Variants in IQCM observed in about 807,000 individuals in gnomAD.
The protein encoded by IQCM is IQ domain-containing protein M.
In IQCM, 45 loss-of-function variants were observed where a neutral mutation model predicts 57.6. That is an observed-to-expected ratio of 0.78 (90% CI 0.62 to 1.00). The LOEUF is 1.00. Among genes scored for constraint, IQCM ranks in the 50% least tolerant of loss-of-function variants. The pLI is 0.00. For synonymous variants in IQCM, 148 were observed against 158.9 expected (o/e 0.93, Z 0.51); for missense variants, 468 against 511.6 (o/e 0.91, Z 0.82).
chr4:149,737,618 G>A (rs1767063222), intron 3 of IQCM: 1 of 152,270 alleles, frequency 6.6e-6, no homozygotes, highest in East Asian at 1.9e-4. Flanking sequence ...GTTACCTTAG[G>A]GTAATGAGGT....
intron 12 of IQCM, among the ~76,000 whole-genome samples, chr4:149,477,307 C>T (rs778702363): frequency 3.4e-4 from 52 of 152,108 alleles, no homozygotes; most frequent in Non-Finnish European, 5.3e-4. Context: ...TGAGGACTGA[C>T]GCTCAGGCCT....
intron 5 of IQCM, among the ~76,000 whole-genome samples, chr4:149,721,367 T>A (rs1294677617): frequency 6.6e-6 from 1 of 152,104 alleles, no homozygotes; most frequent in African/African-American, 2.4e-5. Context: ...TGGTGAAGTC[T>A]TGAATTTTAG....
chr4:149,515,071 C>CGTGT (rs58534209), intron 12 of IQCM, among the ~76,000 whole-genome samples: 12,674 of 142,752 alleles, frequency 0.089, 569 homozygotes, highest in Middle Eastern at 0.13. Context: ...TATATATACA[C>CGTGT]GTGTGTGTGT....
At chr4:149,603,665 A>T (rs530272118) in intron 8 of IQCM, among the ~76,000 whole-genome samples, 5 of 152,190 alleles carry the variant, frequency 3.3e-5, no homozygotes, top group African/African-American at 1.2e-4. Context: ...GAAATCAACA[A>T]GAAAACTCCC....
In IQCM at chr4:149,707,482, C is replaced by G. The variant is rs1002520484; in HGVS notation, c.386-21014G>C. Among the ~76,000 whole-genome samples, 4 of 151,998 alleles carry G rather than the reference C, an allele frequency of 2.6e-5. No individual in the cohort carries two copies. The South Asian group carries it at 8.3e-4, about 31-fold the overall frequency. On this transcript the variant is annotated intron_variant, in intron 5 of 13. Transcript: ENST00000636793. ...TGCCACGAATGTGAGGCTCTGGACA[C>G]TCTTTGCTCTCTATCCAGGCATTTT...
chr4:149,759,661 A>G (rs927048777), intron 2 of IQCM, among the ~76,000 whole-genome samples: 2 of 152,088 alleles, frequency 1.3e-5, no homozygotes, highest in Admixed American at 1.3e-4. Flanking sequence ...ATTAAATATC[A>G]TTTTTTTAAA....
At chr4:149,447,366 A>T (rs1250313469) in intron 12 of IQCM, among the ~76,000 whole-genome samples, 1 of 151,640 alleles carries the variant, frequency 6.6e-6, no homozygotes, top group Non-Finnish European at 1.5e-5. Flanking sequence ...TCTTCAATTG[A>T]CACAGATGAT....
At chr4:149,582,122 G>T (rs1397681344) in intron 9 of IQCM, among the ~76,000 whole-genome samples, 1 of 150,500 alleles carries the variant, frequency 6.6e-6, no homozygotes, top group African/African-American at 2.4e-5. Context: ...ATAGAAGGAG[G>T]TATTAAAGCC....
chr4:149,694,802 T>C (rs1763219814), intron 5 of IQCM, among the ~76,000 whole-genome samples: 1 of 152,182 alleles, frequency 6.6e-6, no homozygotes, highest in Admixed American at 6.5e-5. Flanking sequence ...TAAGGTCTCT[T>C]CTACACAAAA....
chr4:149,581,353 G>T (rs1213999041), intron 9 of IQCM, among the ~76,000 whole-genome samples: 1 of 151,090 alleles, frequency 6.6e-6, no homozygotes, highest in East Asian at 2.0e-4. Context: ...CTATGACCTT[G>T]AAGATGCTAG....
At chr4:149,475,950 G>A (rs562763894) in intron 12 of IQCM, among the ~76,000 whole-genome samples, 8 of 152,226 alleles carry the variant, frequency 5.3e-5, no homozygotes, top group African/African-American at 9.6e-5. Flanking sequence ...GACAATGAGC[G>A]TGGATGACTC....
At chr4:149,603,832 T>C (rs970791132) in intron 8 of IQCM, among the ~76,000 whole-genome samples, 2 of 152,058 alleles carry the variant, frequency 1.3e-5, no homozygotes, top group Admixed American at 6.6e-5. Context: ...AAATTCAGCA[T>C]TTTTACCCTT....
At chr4:149,669,289 T>C (rs1761033677) in intron 7 of IQCM, among the ~76,000 whole-genome samples, 1 of 152,210 alleles carries the variant, frequency 6.6e-6, no homozygotes, top group African/African-American at 2.4e-5. Flanking sequence ...TTTCGAGAAG[T>C]GTCTATTCAT....
intron 12 of IQCM, among the ~76,000 whole-genome samples, chr4:149,545,838 C>T (rs1748349685): frequency 6.6e-6 from 1 of 151,688 alleles, no homozygotes; most frequent in East Asian, 1.9e-4. Flanking sequence ...TATTATTATA[C>T]TTTAAGTTCT....
At chr4:149,567,606 C>CA (rs1419502930) in intron 9 of IQCM, among the ~76,000 whole-genome samples, 2 of 152,026 alleles carry the variant, frequency 1.3e-5, no homozygotes, top group African/African-American at 4.8e-5. Context: ...CTCCACCTCT[C>CA]AAAGTGCTGG....
rs564850311 is a variant in IQCM, at chr4:149,418,899, CAAAGAGA to C, written c.1390+14490_1390+14496del. Reference sequence around the variant, plus strand: ...GGAGGAACTCCCATTCAAATTGCTACAAAGAGAATAAAATACCTAGGAATACAGCAAA... The same window carrying C: ...GGAGGAACTCCCATTCAAATTGCTACATAAAATACCTAGGAATACAGCAAA... On this transcript the variant is annotated intron_variant, in intron 13 of 13. Transcript: ENST00000636793. Among the ~76,000 whole-genome samples, 18 of 152,180 alleles carry C rather than the reference CAAAGAGA, an allele frequency of 1.2e-4. No homozygotes were observed. The East Asian group carries it at 3.3e-3, about 28-fold the overall frequency.
chr4:149,507,139 C>G (rs1743903983), intron 12 of IQCM, among the ~76,000 whole-genome samples: 1 of 152,142 alleles, frequency 6.6e-6, no homozygotes, highest in Non-Finnish European at 1.5e-5. Context: ...ATTGTGAGGC[C>G]TCCCCAGCCA....
chr4:149,477,712 G>A (rs1300119164), intron 12 of IQCM, among the ~76,000 whole-genome samples: 1 of 152,150 alleles, frequency 6.6e-6, no homozygotes, highest in South Asian at 2.1e-4. Flanking sequence ...AAATGAAGTG[G>A]TCAAGGAATA....
At chr4:149,652,333 A>T (rs1759259457) in intron 7 of IQCM, among the ~76,000 whole-genome samples, 2 of 152,062 alleles carry the variant, frequency 1.3e-5, no homozygotes. Flanking sequence ...ATTAGGACAA[A>T]TACCTAATGC....
Sources: allele counts gnomAD v4.1 joint callset (sites outside exome capture counted in the v4.1 genomes callset), GRCh38; gene constraint gnomAD v4.1.1; transcripts MANE v1.5; gene names NCBI Gene and HGNC (gene_info 2026-07-23, HGNC 2026-07-21).